Variants in C8orf34 observed in about 807,000 individuals in gnomAD.
C8orf34 encodes the protein chromosome 8 open reading frame 34, also known as uncharacterized protein C8orf34.
Under a neutral mutation model 68.3 loss-of-function variants are expected in C8orf34, and 65 were observed. The observed-to-expected ratio is 0.95, with a 90% confidence interval of 0.78 to 1.17. The LOEUF (loss-of-function observed/expected upper bound fraction) is 1.17, where lower values mean the gene tolerates loss of function less well. C8orf34 is among the 50% of genes most tolerant of loss of function. The pLI, the probability that C8orf34 is intolerant of heterozygous loss-of-function variation, is 0.00. For missense variants in C8orf34, 664 were observed against 655.4 expected (o/e 1.01, Z -0.14); for synonymous variants, 244 against 241.2 (o/e 1.01, Z -0.11).
intron 7 of C8orf34, among the ~76,000 whole-genome samples, chr8:68,610,768 A>G (rs1427020695): frequency 1.3e-5 from 2 of 152,014 alleles, no homozygotes; most frequent in Non-Finnish European, 2.9e-5. Flanking sequence ...AGTGTCAAGT[A>G]CATTTTATTT....
At chr8:68,655,719 G>A (rs942362233) in intron 8 of C8orf34, among the ~76,000 whole-genome samples, 1 of 152,092 alleles carries the variant, frequency 6.6e-6, no homozygotes, top group African/African-American at 2.4e-5. Flanking sequence ...CATTTACGAT[G>A]GGTTAATAGG....
At chr8:68,608,753 G>T (rs1156757661) in intron 7 of C8orf34, among the ~76,000 whole-genome samples, 1 of 152,132 alleles carries the variant, frequency 6.6e-6, no homozygotes, top group Non-Finnish European at 1.5e-5. Context: ...GGTCTGATGG[G>T]GGGGATGAGA....
At chr8:68,623,326 C>A (rs183392621) in intron 7 of C8orf34, among the ~76,000 whole-genome samples, 126 of 152,250 alleles carry the variant, frequency 8.3e-4, no homozygotes, top group African/African-American at 3.0e-3. Flanking sequence ...GGTTCTCAAC[C>A]TAGCACCGTT....
chr8:68,620,211 T>C (rs368424177), intron 7 of C8orf34, among the ~76,000 whole-genome samples: 22 of 152,270 alleles, frequency 1.4e-4, no homozygotes, highest in African/African-American at 4.8e-4. Context: ...CCAGTTCCTG[T>C]GTGCTCTGAG....
chr8:68,616,695 G>T (rs796332109), intron 7 of C8orf34, among the ~76,000 whole-genome samples: 1 of 152,108 alleles, frequency 6.6e-6, no homozygotes, highest in African/African-American at 2.4e-5. Flanking sequence ...TTGCTGAGGA[G>T]AGCTTTACTT....
At position 68,610,361 on chromosome 8, in the gene C8orf34, T is replaced by C. The variant is rs16934776; in HGVS notation, c.1106-30015T>C. Among the ~76,000 whole-genome samples the C allele has an allele frequency of 5.6e-3, 856 of 152,276 alleles. 14 individuals carry two copies. The highest frequency in any genetic ancestry group is 0.019 in the African/African-American group (806 of 41,564). Reference sequence around the variant, plus strand: ...AAGAGTTAGTGTTGACACTTCTATATAAACAGTGGTTATATTATTTATGTA... The same window carrying C: ...AAGAGTTAGTGTTGACACTTCTATACAAACAGTGGTTATATTATTTATGTA... On this transcript the variant is annotated intron_variant, in intron 7 of 13. Transcript: ENST00000518698.
chr8:68,552,697 C>T (rs991730926), intron 7 of C8orf34, among the ~76,000 whole-genome samples: 1 of 151,952 alleles, frequency 6.6e-6, no homozygotes, highest in Admixed American at 6.6e-5. Context: ...TATATGTTGG[C>T]TGTGGATTTT....
At chr8:68,527,353 A>C (rs1235070208) in intron 6 of C8orf34, among the ~76,000 whole-genome samples, 2 of 152,198 alleles carry the variant, frequency 1.3e-5, no homozygotes, top group Non-Finnish European at 2.9e-5. Context: ...CGGGCGGATC[A>C]CAAGGTCAGG....
chr8:68,430,067 A>G (rs1052421263), intron 1 of C8orf34, among the ~76,000 whole-genome samples: 1 of 152,154 alleles, frequency 6.6e-6, no homozygotes, highest in Admixed American at 6.5e-5. Context: ...CAGAACTTTC[A>G]GTCCCAACCC....
intron 9 of C8orf34, among the ~76,000 whole-genome samples, chr8:68,712,496 A>G (rs1351219440): frequency 6.6e-6 from 1 of 152,186 alleles, no homozygotes; most frequent in Non-Finnish European, 1.5e-5. Context: ...GGGTAGAAAA[A>G]GGTATTCCAT....
chr8:68,744,434 C>T (rs572116157), intron 10 of C8orf34, among the ~76,000 whole-genome samples: 3,337 of 152,156 alleles, frequency 0.022, 107 homozygotes, highest in African/African-American at 0.075. Flanking sequence ...TCAAATTACT[C>T]TGAGCTATGG....
At chr8:68,435,134 T>G (rs1010480046) in intron 1 of C8orf34, among the ~76,000 whole-genome samples, 1 of 149,524 alleles carries the variant, frequency 6.7e-6, no homozygotes, top group South Asian at 2.1e-4. Context: ...TATATAATAT[T>G]ACAAGTGTAT....
rs145947367 is a variant in C8orf34, at chr8:68,392,464, A to G, written c.328-47035A>G. On this transcript the variant is annotated intron_variant, in intron 1 of 13. Transcript: ENST00000518698. ...ATAATATGTTACCCTTGAGTTGCAC[A>G]TACAAGAATGTTTACTGGATTATTC... Among the ~76,000 whole-genome samples the G allele has an allele frequency of 5.0e-3, 764 of 152,112 alleles. 6 individuals carry two copies. Among genetic ancestry groups the G allele is most frequent in the African/African-American group, 0.017 (713 of 41,534 alleles).
Position 68,491,816 on chromosome 8 carries a change from T to C in C8orf34, c.765+3765T>C, listed in dbSNP as rs532176107. 3.9e-5 allele frequency among the ~76,000 whole-genome samples: 6 copies of C among 152,382 alleles called. No homozygotes were observed. In the South Asian group the frequency reaches 1.2e-3, roughly 32 times the overall value. ...GAACATCTCTGGGAAGTCGTGATTCTGCCCACACTGCCACTATCCAAGTTC... is the reference window on the plus strand; with the variant it reads ...GAACATCTCTGGGAAGTCGTGATTCCGCCCACACTGCCACTATCCAAGTTC... On this transcript the variant is annotated intron_variant, in intron 5 of 13. Coordinates refer to ENST00000518698, the MANE Select transcript of C8orf34 (RefSeq NM_052958.4).
intron 8 of C8orf34, among the ~76,000 whole-genome samples, chr8:68,681,539 G>A (rs138056203): frequency 2.3e-4 from 35 of 152,210 alleles, no homozygotes; most frequent in African/African-American, 8.4e-4. Flanking sequence ...GTGGAGAAAA[G>A]GGAGCATTTG....
At chr8:68,442,241 C>A (rs996736010) in intron 2 of C8orf34, among the ~76,000 whole-genome samples, 3 of 151,290 alleles carry the variant, frequency 2.0e-5, no homozygotes, top group Non-Finnish European at 4.4e-5. Context: ...TGGAAAGTCA[C>A]CAAGAGAAAG....
chr8:68,505,724 C>T (rs974554867), intron 5 of C8orf34, among the ~76,000 whole-genome samples: 1 of 83,434 alleles, frequency 1.2e-5, no homozygotes, highest in Admixed American at 1.2e-4. Context: ...GGCGACAGAG[C>T]GAGACTCCGT....
At chr8:68,662,491 T>G (rs1042044535) in intron 8 of C8orf34, among the ~76,000 whole-genome samples, 1 of 152,180 alleles carries the variant, frequency 6.6e-6, no homozygotes, top group Non-Finnish European at 1.5e-5. Context: ...TCCCCCATAC[T>G]GTTCTCGTTG....
chr8:68,620,667 A>G (rs1289725665), intron 7 of C8orf34, among the ~76,000 whole-genome samples: 1 of 151,814 alleles, frequency 6.6e-6, no homozygotes, highest in African/African-American at 2.4e-5. Flanking sequence ...TCTGTGTCAA[A>G]AAAAAAAAAG....
Sources: gnomAD v4.1 joint callset for allele counts (sites outside exome capture counted in the v4.1 genomes callset) on GRCh38, gnomAD v4.1.1 for gene constraint, MANE v1.5 for transcripts, NCBI Gene and HGNC (gene_info 2026-07-23, HGNC 2026-07-21) for gene names.